The following SMCO2 variants were observed in gnomAD, a reference collection of about 807,000 sequenced individuals.
SMCO2 encodes single-pass membrane and coiled-coil domain-containing protein 2.
In SMCO2, 25 loss-of-function variants were observed where a neutral mutation model predicts 29.5. The observed-to-expected ratio is 0.85, with a 90% CI of 0.62 to 1.18. The LOEUF is 1.18. Among genes scored for constraint, SMCO2 ranks in the 50% most tolerant of loss-of-function variants. The pLI, the probability that SMCO2 is intolerant of heterozygous loss-of-function variation, is 0.00. For synonymous variants in SMCO2, 117 were observed against 123.3 expected (o/e 0.95, Z 0.34); for missense variants, 348 against 344.5 (o/e 1.01, Z -0.08).
chr12:27,461,470 A>G, the SMCO2 span, among the ~76,000 whole-genome samples: 2 of 152,086 alleles, frequency 1.3e-5, no homozygotes, highest in Non-Finnish European at 1.5e-5. Flanking sequence ...TGTGTACTCA[A>G]TGTTTAGCTC....
chr12:27,454,536 A>G, the SMCO2 span, among the ~76,000 whole-genome samples: 5 of 152,152 alleles, frequency 3.3e-5, no homozygotes, highest in African/African-American at 1.2e-4. Flanking sequence ...TATTAAACAC[A>G]TTGCTTAATT....
At chr12:27,435,061 C>G in the SMCO2 span, among the ~76,000 whole-genome samples, 1 of 152,082 alleles carries the variant, frequency 6.6e-6, no homozygotes, top group African/African-American at 2.4e-5. Flanking sequence ...ACGTTTTATA[C>G]TCCTGGGTAA....
At chr12:27,472,219 C>A (rs1949546527) in intron 2 of SMCO2, among the ~76,000 whole-genome samples, 1 of 152,012 alleles carries the variant, frequency 6.6e-6, no homozygotes, top group South Asian at 2.1e-4. Flanking sequence ...GTATAAATAT[C>A]CTCCCATATA....
At chr12:27,480,857 T>C (rs1416389824) in intron 4 of SMCO2, among the ~76,000 whole-genome samples, 1 of 152,162 alleles carries the variant, frequency 6.6e-6, no homozygotes, top group East Asian at 1.9e-4. Context: ...TAGGCCAAAA[T>C]ATACCTCTTT....
the SMCO2 span, among the ~76,000 whole-genome samples, chr12:27,454,698 T>C: frequency 6.6e-6 from 1 of 152,164 alleles, no homozygotes; most frequent in Non-Finnish European, 1.5e-5. Context: ...CTACATTAGG[T>C]ATTTCTCCTA....
upstream of SMCO2, among the ~76,000 whole-genome samples, chr12:27,462,224 A>G (rs1393533279): frequency 1.3e-5 from 2 of 152,186 alleles, no homozygotes; most frequent in Non-Finnish European, 2.9e-5. Context: ...AACAATTTCT[A>G]TAGTTCCAGC....
the SMCO2 span, among the ~76,000 whole-genome samples, chr12:27,432,764 GC>G: frequency 6.6e-6 from 1 of 152,124 alleles, no homozygotes; most frequent in Non-Finnish European, 1.5e-5. Context: ...ACTTCCAAAA[GC>G]ATATTCATTA....
chr12:27,472,412 A>G (rs1305365776), intron 2 of SMCO2, among the ~76,000 whole-genome samples: 2 of 152,200 alleles, frequency 1.3e-5, no homozygotes, highest in Non-Finnish European at 2.9e-5. Flanking sequence ...CTCTCTGCCC[A>G]TTTAAACCAC....
upstream of SMCO2, among the ~76,000 whole-genome samples, chr12:27,463,810 G>A (rs903642916): frequency 7.9e-5 from 12 of 152,204 alleles, no homozygotes; most frequent in African/African-American, 2.7e-4. Context: ...AATATGCAAT[G>A]TGTCGTGAGA....
At chr12:27,473,144 G>A (rs184270827) in intron 3 of SMCO2, 16 of 347,930 alleles carry the variant, frequency 4.6e-5, no homozygotes, top group South Asian at 1.6e-4. Flanking sequence ...TTTTGTCCTC[G>A]GGAATTTATG....
chr12:27,459,178 C>T, the SMCO2 span, among the ~76,000 whole-genome samples: 1 of 91,076 alleles, frequency 1.1e-5, no homozygotes, highest in South Asian at 3.8e-4. Context: ...CAGAGCAAGA[C>T]TCCATCTCAA....
chr12:27,447,947 C>T, the SMCO2 span, among the ~76,000 whole-genome samples: 714 of 152,306 alleles, frequency 4.7e-3, 6 homozygotes, highest in South Asian at 0.024. Flanking sequence ...CCTTCCCTAG[C>T]ACTTAACACA....
chr12:27,443,836 T>C, the SMCO2 span, among the ~76,000 whole-genome samples: 1 of 152,142 alleles, frequency 6.6e-6, no homozygotes, highest in African/African-American at 2.4e-5. Context: ...CACAATAAAA[T>C]TGAAAGATAC....
chr12:27,476,161 A>C (rs182587904), intron 4 of SMCO2, among the ~76,000 whole-genome samples: 64 of 152,242 alleles, frequency 4.2e-4, no homozygotes, highest in African/African-American at 1.4e-3. Context: ...ATACATTTCT[A>C]TATTTTCCAA....
intron 4 of SMCO2, among the ~76,000 whole-genome samples, chr12:27,483,525 C>T (rs1053577649): frequency 6.6e-6 from 1 of 152,134 alleles, no homozygotes; most frequent in African/African-American, 2.4e-5. Flanking sequence ...TCAAGCGGTC[C>T]TCCCACCTAA....
intron 4 of SMCO2, among the ~76,000 whole-genome samples, chr12:27,477,588 A>G (rs1949599568): frequency 7.3e-6 from 1 of 137,184 alleles, no homozygotes; most frequent in Admixed American, 7.2e-5. Context: ...TGGTTTCCTT[A>G]TGGTGTCCCA....
intron 2 of SMCO2, 70 bp from the exon 3 acceptor site, chr12:27,472,706 G>T: frequency 1.8e-6 from 2 of 1,123,922 alleles, no homozygotes. Flanking sequence ...CTTTAGAAAG[G>T]AGTAGTGCAG....
the SMCO2 span, among the ~76,000 whole-genome samples, chr12:27,458,042 C>G: frequency 2.0e-5 from 3 of 152,172 alleles, no homozygotes; most frequent in Non-Finnish European, 4.4e-5. Flanking sequence ...TATTGTTAAA[C>G]GTCTGAGAAA....
chr12:27,454,597 T>C, the SMCO2 span, among the ~76,000 whole-genome samples: 1 of 152,228 alleles, frequency 6.6e-6, no homozygotes, highest in South Asian at 2.1e-4. Context: ...TTATTATACT[T>C]TAAGTTCTGG....
Sources: allele counts gnomAD v4.1 joint callset (sites outside exome capture counted in the v4.1 genomes callset), GRCh38; gene constraint gnomAD v4.1.1; transcripts MANE v1.5; gene names NCBI Gene and HGNC (gene_info 2026-07-23, HGNC 2026-07-21).